The following PACS1 variants were observed in gnomAD, a reference collection of about 807,000 sequenced individuals.
The protein encoded by PACS1 is phosphofurin acidic cluster sorting protein 1, also known as PACS-1.
A neutral mutation model predicts 115.0 loss-of-function variants in PACS1; 24 were observed. The observed-to-expected ratio is 0.21, with a 90% confidence interval of 0.15 to 0.29. The LOEUF (loss-of-function observed/expected upper bound fraction) is 0.29. PACS1 is among the 10% of genes least tolerant of loss of function. PACS1 has a pLI of 1.00. For synonymous variants in PACS1, 453 were observed against 504.5 expected, an observed-to-expected ratio of 0.90 and a Z score of 1.37; for missense variants, 838 against 1,251.2, an observed-to-expected ratio of 0.67 and a Z score of 4.98.
intron 1 of PACS1, among the ~76,000 whole-genome samples, chr11:66,072,804 T>G (rs991273773): frequency 4.6e-5 from 7 of 152,220 alleles, no homozygotes; most frequent in African/African-American, 1.7e-4. Context: ...TTGGTGACGT[T>G]TGGGCAGCTG....
intron 1 of PACS1, among the ~76,000 whole-genome samples, chr11:66,162,844 G>A (rs1044693217): frequency 1.3e-5 from 2 of 152,206 alleles, no homozygotes; most frequent in African/African-American, 4.8e-5. Context: ...TTTATCCGCA[G>A]TAAATGTGGG....
intron 1 of PACS1, among the ~76,000 whole-genome samples, chr11:66,176,909 A>G (rs1332503155): frequency 6.6e-6 from 1 of 152,168 alleles, no homozygotes; most frequent in Non-Finnish European, 1.5e-5. Context: ...ATTCCATAGT[A>G]ACTTGCATAT....
chr11:66,180,930 A>G (rs959564379), intron 1 of PACS1, among the ~76,000 whole-genome samples: 1 of 152,066 alleles, frequency 6.6e-6, no homozygotes, highest in African/African-American at 2.4e-5. Flanking sequence ...AAGTGCTGGG[A>G]TTGCAGGTGT....
chr11:66,089,453 A>G (rs1420446740), intron 1 of PACS1, among the ~76,000 whole-genome samples: 1 of 152,226 alleles, frequency 6.6e-6, no homozygotes, highest in African/African-American at 2.4e-5. Context: ...TATAAAAATT[A>G]GCAAACAGTT....
intron 1 of PACS1, among the ~76,000 whole-genome samples, chr11:66,116,818 A>G (rs1858317037): frequency 1.3e-5 from 2 of 148,828 alleles, no homozygotes; most frequent in African/African-American, 4.9e-5. Context: ...TGAGCCTGGG[A>G]GGTGGAGTTT....
At chr11:66,157,530 C>A (rs977589714) in intron 1 of PACS1, among the ~76,000 whole-genome samples, 4 of 152,232 alleles carry the variant, frequency 2.6e-5, no homozygotes, top group African/African-American at 9.6e-5. Context: ...GAAGAGTTAG[C>A]ACCCCAGATC....
At chr11:66,191,081 C>T (rs74835281) in intron 1 of PACS1, among the ~76,000 whole-genome samples, 5,492 of 152,264 alleles carry the variant, frequency 0.036, 331 homozygotes, top group East Asian at 0.17. Flanking sequence ...CTGGGCAGCA[C>T]GGAAGGTGTG....
chr11:66,123,968 A>G (rs1241044919), intron 1 of PACS1, among the ~76,000 whole-genome samples: 1 of 152,210 alleles, frequency 6.6e-6, no homozygotes, highest in Non-Finnish European at 1.5e-5. Flanking sequence ...GTGGTCTGGA[A>G]CTAAAGCCAC....
intron 1 of PACS1, among the ~76,000 whole-genome samples, chr11:66,183,970 T>C (rs1860062252): frequency 6.6e-6 from 1 of 152,066 alleles, no homozygotes; most frequent in Non-Finnish European, 1.5e-5. Context: ...GGAGTGGTGG[T>C]GTTGCCTCTT....
At chr11:66,173,502 G>C (rs1410020023) in intron 1 of PACS1, among the ~76,000 whole-genome samples, 1 of 152,082 alleles carries the variant, frequency 6.6e-6, no homozygotes, top group Non-Finnish European at 1.5e-5. Flanking sequence ...GAGCTCAGGA[G>C]TTCGAAACCA....
At chr11:66,220,050 C>T (rs113714520) in intron 8 of PACS1, among the ~76,000 whole-genome samples, 1 of 152,082 alleles carries the variant, frequency 6.6e-6, no homozygotes, top group East Asian at 1.9e-4. Context: ...CTTGGTGATG[C>T]GCAAGCCTCT....
At chr11:66,216,641 G>A in intron 6 of PACS1, 30 bp downstream of exon 6, 1 of 1,609,676 alleles carries the variant, frequency 6.2e-7, no homozygotes, top group Non-Finnish European at 8.5e-7. Flanking sequence ...CACATGGCGT[G>A]TCCAAGAAGC....
intron 1 of PACS1, among the ~76,000 whole-genome samples, chr11:66,110,985 G>A (rs2134545475): frequency 6.6e-6 from 1 of 152,248 alleles, no homozygotes; most frequent in East Asian, 1.9e-4. Flanking sequence ...GTATTATCCT[G>A]GTACGCTGCT....
chr11:66,142,858 T>C (rs1859029004), intron 1 of PACS1, among the ~76,000 whole-genome samples: 1 of 151,746 alleles, frequency 6.6e-6, no homozygotes, highest in South Asian at 2.1e-4. Context: ...GAATGATGTC[T>C]TGGGTTTCAA....
intron 1 of PACS1, among the ~76,000 whole-genome samples, chr11:66,116,434 A>T (rs1343448294): frequency 1.3e-5 from 2 of 152,260 alleles, no homozygotes; most frequent in Admixed American, 6.5e-5. Context: ...GTGAGAACCT[A>T]GAAGAACTGC....
At chr11:66,101,195 A>T (rs1440052483) in intron 1 of PACS1, among the ~76,000 whole-genome samples, 1 of 152,126 alleles carries the variant, frequency 6.6e-6, no homozygotes, top group Non-Finnish European at 1.5e-5. Context: ...ATTTTTTTTA[A>T]AAGTTTTAAA....
chr11:66,073,196 A>G (rs1424819711), intron 1 of PACS1, among the ~76,000 whole-genome samples: 1 of 152,230 alleles, frequency 6.6e-6, no homozygotes, highest in East Asian at 1.9e-4. Flanking sequence ...TGCAGGCCAG[A>G]ATAACACTCT....
intron 1 of PACS1, among the ~76,000 whole-genome samples, chr11:66,189,389 C>A (rs1258814312): frequency 6.6e-6 from 1 of 152,174 alleles, no homozygotes; most frequent in Non-Finnish European, 1.5e-5. Flanking sequence ...GCATAAAGGT[C>A]TGTCTTGTCT....
intron 1 of PACS1, among the ~76,000 whole-genome samples, chr11:66,135,124 C>T (rs149946585): frequency 2.5e-3 from 373 of 152,004 alleles, no homozygotes; most frequent in African/African-American, 8.4e-3. Context: ...GGCTTGAACC[C>T]GGGATGTGGA....
Sources: allele counts gnomAD v4.1 joint callset (sites outside exome capture counted in the v4.1 genomes callset), GRCh38; gene constraint gnomAD v4.1.1; transcripts MANE v1.5; gene names NCBI Gene and HGNC (gene_info 2026-07-23, HGNC 2026-07-21).